The following SAMD3 variants were observed in gnomAD, a reference collection of about 807,000 sequenced individuals.
SAMD3 encodes the protein sterile alpha motif domain containing 3.
SAMD3 carries 63 observed loss-of-function variants against 58.5 expected under a neutral mutation model. The ratio of observed to expected loss-of-function variants is 1.08; its 90% CI spans 0.88 to 1.33. The LOEUF is 1.33. SAMD3 is among the 40% of genes most tolerant of loss of function. The pLI is 0.00. For missense variants in SAMD3, 604 were observed against 608.4 expected (o/e 0.99, Z 0.08); for synonymous variants, 220 against 210.3 (o/e 1.05, Z -0.40).
At position 130,220,648 on chromosome 6, in the gene SAMD3, G is replaced by T. The variant is rs562358916; in HGVS notation, c.-68+2046C>A. On this transcript the variant is annotated intron_variant, in intron 1 of 11. Coordinates refer to ENST00000439090, the MANE Select transcript of SAMD3 (RefSeq NM_001017373.4). Reference sequence around the variant, plus strand: ...TATAAATTCCAATTAATATACATACGTGGTTATATGTTTTACTTACTATGA... The same window carrying T: ...TATAAATTCCAATTAATATACATACTTGGTTATATGTTTTACTTACTATGA... Among the ~76,000 whole-genome samples, 8 of 152,220 alleles carry T rather than the reference G, an allele frequency of 5.3e-5. No individual in the cohort carries two copies. The South Asian group carries it at 1.4e-3, about 28-fold the overall frequency.
intron 9 of SAMD3, among the ~76,000 whole-genome samples, chr6:130,151,481 G>A (rs545684598): frequency 1.1e-4 from 17 of 152,024 alleles, no homozygotes; most frequent in Non-Finnish European, 2.1e-4. Context: ...CACTCTTGTT[G>A]CCCAGACTGG....
intron 2 of SAMD3, among the ~76,000 whole-genome samples, chr6:130,247,909 G>A (rs1388133439): frequency 6.6e-6 from 1 of 152,110 alleles, no homozygotes; most frequent in Non-Finnish European, 1.5e-5. Flanking sequence ...TACCTCTAGT[G>A]TGTTTCTGTT....
chr6:130,331,548 C>T (rs1420000788), intron 1 of SAMD3, among the ~76,000 whole-genome samples: 2 of 152,022 alleles, frequency 1.3e-5, no homozygotes, highest in Admixed American at 6.6e-5. Context: ...TGGTGAAACC[C>T]CGTCTCTACT....
intron 8 of SAMD3, chr6:130,162,042 T>G (rs944132313): frequency 2.2e-6 from 1 of 464,096 alleles, no homozygotes; most frequent in Non-Finnish European, 3.8e-6. Flanking sequence ...AGTGTAGGAC[T>G]CACCTTTGAG....
In SAMD3 at chr6:130,357,700, T is replaced by G. The variant is rs72992448; in HGVS notation, c.-304+7420A>C. On this transcript the variant is annotated intron_variant, in intron 1 of 13. Coordinates refer to the SAMD3 transcript ENST00000368134. ...CGGAGCTCCAACATTCTAATGTGTA[T>G]CTTCCCTCTCAATGTTAAAAAAATA... Among the ~76,000 whole-genome samples, 145 of 152,356 alleles carry G rather than the reference T, an allele frequency of 9.5e-4. 1 individual carries two copies. Among genetic ancestry groups the G allele is most frequent in the Non-Finnish European group, 1.1e-3 (78 of 68,026 alleles).
chr6:130,151,519 G>A (rs550749461), intron 9 of SAMD3, among the ~76,000 whole-genome samples: 4 of 152,040 alleles, frequency 2.6e-5, no homozygotes, highest in South Asian at 4.2e-4. Context: ...TCGGCTCACC[G>A]CACCCTCCGT....
chr6:130,215,468 C>T, intron 2 of SAMD3, 174 bp from the exon 3 acceptor site: 2 of 1,331,064 alleles, frequency 1.5e-6, no homozygotes, highest in Middle Eastern at 2.5e-4. Flanking sequence ...AAAACACACA[C>T]TCACTTTAAA....
chr6:130,253,908 C>G (rs1583010845), intron 2 of SAMD3, among the ~76,000 whole-genome samples: 1 of 151,998 alleles, frequency 6.6e-6, no homozygotes, highest in Non-Finnish European at 1.5e-5. Flanking sequence ...AAATTCTCTC[C>G]TGTTACTGTA....
At chr6:130,180,597 G>T (rs1417579458) in intron 7 of SAMD3, among the ~76,000 whole-genome samples, 1 of 152,154 alleles carries the variant, frequency 6.6e-6, no homozygotes, top group Non-Finnish European at 1.5e-5. Flanking sequence ...ACGTGATGTT[G>T]CTCCTCTCCC....
rs1320686257 is a variant in SAMD3 at position 130,248,050 on chromosome 6, G to T, written c.-187-25237C>A. 3.3e-5 allele frequency among the ~76,000 whole-genome samples: 5 copies of T among 151,936 alleles called. No individual in the cohort carries two copies. In the East Asian group the frequency reaches 9.6e-4, roughly 29 times the overall value. ...CCCTTTATTGTGGCATTTATTTTTGGCTAGCTTTCAACCTTGCTGATATTA... is the reference window on the plus strand; with the variant it reads ...CCCTTTATTGTGGCATTTATTTTTGTCTAGCTTTCAACCTTGCTGATATTA... On this transcript the variant is annotated intron_variant, in intron 2 of 13. Coordinates refer to the SAMD3 transcript ENST00000368134.
rs369228389 is a variant in SAMD3, at chr6:130,350,806, C to A, written c.-304+14314G>T. ...AGTTTAGGCAAAGCTGGAGGCATCACGCTACCTGACTTCAAACTATACTAC... is the reference window on the plus strand; with the variant it reads ...AGTTTAGGCAAAGCTGGAGGCATCAAGCTACCTGACTTCAAACTATACTAC... On this transcript the variant is annotated intron_variant, in intron 1 of 13. Coordinates refer to the SAMD3 transcript ENST00000368134. 6.3e-4 allele frequency among the ~76,000 whole-genome samples: 96 copies of A among 152,262 alleles called. No homozygotes were observed. The South Asian group carries it at 0.02, about 31-fold the overall frequency.
chr6:130,152,024 C>CT (rs66882209), intron 9 of SAMD3, among the ~76,000 whole-genome samples: 85 of 151,992 alleles, frequency 5.6e-4, no homozygotes, highest in Non-Finnish European at 1.1e-3. Flanking sequence ...TTTTTAAATG[C>CT]CTTGTTGAAA....
intron 2 of SAMD3, among the ~76,000 whole-genome samples, chr6:130,251,226 C>A (rs1277982631): frequency 6.6e-6 from 1 of 152,090 alleles, no homozygotes; most frequent in Non-Finnish European, 1.5e-5. Context: ...ATTTGCATAT[C>A]TTTGGAGAAA....
chr6:130,346,013 A>C (rs1052172427), intron 1 of SAMD3, among the ~76,000 whole-genome samples: 2 of 152,236 alleles, frequency 1.3e-5, no homozygotes, highest in Non-Finnish European at 2.9e-5. Context: ...AATATTTTGC[A>C]CTTTATCTTT....
chr6:130,256,951 A>C (rs1402964660), intron 2 of SAMD3, among the ~76,000 whole-genome samples: 1 of 152,202 alleles, frequency 6.6e-6, no homozygotes, highest in African/African-American at 2.4e-5. Context: ...TTGCTGTGTA[A>C]GTAACTCTCT....
intron 2 of SAMD3, among the ~76,000 whole-genome samples, chr6:130,263,675 C>T (rs183480762): frequency 7.2e-5 from 11 of 152,288 alleles, no homozygotes; most frequent in East Asian, 3.9e-4. Context: ...AAGTCAATTT[C>T]GCCTCAAACT....
At position 130,239,729 on chromosome 6, in the gene SAMD3, A is replaced by C. The variant is rs192000566; in HGVS notation, c.-187-16916T>G. The stretch of plus-strand genomic sequence containing the variant: ...TTCCTATTTCTAAGTAAAAAAACAC[A>C]AACCTTTATCAGTAGGTTGGTTTCC... On this transcript the variant is annotated intron_variant, in intron 2 of 13. Transcript: ENST00000368134. Among the ~76,000 whole-genome samples, 421 of 152,290 alleles carry C rather than the reference A, an allele frequency of 2.8e-3. 1 individual carries two copies. Among genetic ancestry groups the C allele is most frequent in the Non-Finnish European group, 5.1e-3 (345 of 68,028 alleles).
chr6:130,344,440 G>A lies in SAMD3; in HGVS notation c.-304+20680C>T, dbSNP rs373201664. 1.4e-4 allele frequency among the ~76,000 whole-genome samples: 21 copies of A among 152,256 alleles called. No homozygotes were observed. The East Asian group carries it at 2.3e-3, about 17-fold the overall frequency. On this transcript the variant is annotated intron_variant, in intron 1 of 13. Transcript: ENST00000368134. ...TCTGTCGCCCAGGCTGGAGTGCAGC[G>A]ATGTGATTTCGGCTCACTGCAACCT...
intron 8 of SAMD3, among the ~76,000 whole-genome samples, chr6:130,170,161 A>G (rs1791106672): frequency 6.6e-6 from 1 of 152,122 alleles, no homozygotes; most frequent in African/African-American, 2.4e-5. Flanking sequence ...TAAGACCCAC[A>G]TGTATTAGGT....
Sources: gnomAD v4.1 joint callset for allele counts (sites outside exome capture counted in the v4.1 genomes callset) on GRCh38, gnomAD v4.1.1 for gene constraint, MANE v1.5 for transcripts, NCBI Gene and HGNC (gene_info 2026-07-23, HGNC 2026-07-21) for gene names.